Variants in NAALADL2 observed in about 807,000 individuals in gnomAD.
The protein encoded by NAALADL2 is N-acetylated alpha-linked acidic dipeptidase like 2.
NAALADL2 carries 76 observed loss-of-function variants against 87.2 expected under a neutral mutation model. The ratio of observed to expected loss-of-function variants is 0.87; its 90% CI spans 0.72 to 1.05. The LOEUF (loss-of-function observed/expected upper bound fraction) is 1.05. NAALADL2 is among the 50% of genes least tolerant of loss of function. NAALADL2 has a pLI of 0.00. For synonymous variants in NAALADL2, 354 were observed against 331.0 expected, an observed-to-expected ratio of 1.07 and a Z score of -0.75; for missense variants, 1,089 against 945.8, an observed-to-expected ratio of 1.15 and a Z score of -1.99.
At chr3:174,681,081 C>T (rs1022230857) in intron 2 of NAALADL2, among the ~76,000 whole-genome samples, 2 of 152,042 alleles carry the variant, frequency 1.3e-5, no homozygotes, top group Admixed American at 6.6e-5. Context: ...CAGTAGTGCC[C>T]TGTCACAGCA....
intron 4 of NAALADL2, among the ~76,000 whole-genome samples, chr3:175,319,512 GGCTCT>G: frequency 6.6e-6 from 1 of 151,938 alleles, no homozygotes; most frequent in East Asian, 1.9e-4. Context: ...ATTTTCTCAG[GGCTCT>G]CCTTTCTTTA....
chr3:175,132,006 C>CG (rs1443523531), intron 2 of NAALADL2, among the ~76,000 whole-genome samples: 1 of 125,870 alleles, frequency 7.9e-6, no homozygotes, highest in African/African-American at 3.1e-5. Flanking sequence ...ACTGACCCCC[C>CG]CACCTCCCTC....
At chr3:174,468,969 G>A (rs1716716659) in intron 1 of NAALADL2, among the ~76,000 whole-genome samples, 1 of 151,460 alleles carries the variant, frequency 6.6e-6, no homozygotes, top group South Asian at 2.1e-4. Flanking sequence ...CACCATGTTG[G>A]CCAGGCTGGT....
intron 2 of NAALADL2, among the ~76,000 whole-genome samples, chr3:175,180,035 C>T (rs899678041): frequency 6.6e-5 from 10 of 151,860 alleles, no homozygotes; most frequent in African/African-American, 2.4e-4. Context: ...GCTCATTTAG[C>T]AGGCCATAAG....
chr3:174,877,449 C>G (rs573091683), intron 1 of NAALADL2, among the ~76,000 whole-genome samples: 171 of 152,164 alleles, frequency 1.1e-3, no homozygotes, highest in African/African-American at 4.0e-3. Flanking sequence ...ATTCTCAATT[C>G]TCCCTATTTC....
chr3:174,780,713 G>A (rs2109145975), intron 3 of NAALADL2, among the ~76,000 whole-genome samples: 1 of 152,170 alleles, frequency 6.6e-6, no homozygotes, highest in African/African-American at 2.4e-5. Flanking sequence ...TTTTATCAAA[G>A]GCCTTTTCTG....
chr3:174,828,373 A>G (rs571670648), intron 3 of NAALADL2, among the ~76,000 whole-genome samples: 24 of 152,288 alleles, frequency 1.6e-4, no homozygotes, highest in African/African-American at 4.3e-4. Flanking sequence ...AGGCTTTCAA[A>G]TTCTTTTCTT....
chr3:175,214,329 T>C (rs1488546454), intron 2 of NAALADL2, among the ~76,000 whole-genome samples: 1 of 152,188 alleles, frequency 6.6e-6, no homozygotes, highest in African/African-American at 2.4e-5. Flanking sequence ...TTCTGCTGTA[T>C]TTTCTGCTGA....
At chr3:174,988,997 C>T (rs1482129317) in intron 1 of NAALADL2, among the ~76,000 whole-genome samples, 1 of 152,178 alleles carries the variant, frequency 6.6e-6, no homozygotes, top group Non-Finnish European at 1.5e-5. Context: ...GCTCTTTTCA[C>T]TCACAGTGGA....
intron 1 of NAALADL2, among the ~76,000 whole-genome samples, chr3:174,442,129 C>A (rs1714698709): frequency 6.6e-6 from 1 of 152,150 alleles, no homozygotes; most frequent in African/African-American, 2.4e-5. Context: ...GAGTTAGATT[C>A]TGTGCTGACT....
At chr3:175,258,871 C>A (rs1448666374) in intron 4 of NAALADL2, among the ~76,000 whole-genome samples, 2 of 152,188 alleles carry the variant, frequency 1.3e-5, no homozygotes, top group Non-Finnish European at 2.9e-5. Flanking sequence ...CATTGGCCTG[C>A]ATCCCATGAG....
intron 2 of NAALADL2, among the ~76,000 whole-genome samples, chr3:174,628,592 A>G (rs924285296): frequency 1.3e-5 from 2 of 152,148 alleles, no homozygotes; most frequent in Admixed American, 1.3e-4. Context: ...TGGATTTCCA[A>G]ATGTTTCTTG....
chr3:175,019,906 A>T (rs9825468), intron 1 of NAALADL2, among the ~76,000 whole-genome samples: 31,635 of 152,040 alleles, frequency 0.21, 4,486 homozygotes, highest in African/African-American at 0.4. Context: ...AGAAGCTCCA[A>T]GCATATGCTA....
intron 1 of NAALADL2, among the ~76,000 whole-genome samples, chr3:175,042,549 C>T (rs868513712): frequency 9.2e-5 from 14 of 152,114 alleles, no homozygotes; most frequent in African/African-American, 2.7e-4. Context: ...TATATTCCCC[C>T]CAACAATGAA....
At chr3:175,796,496 G>A (rs1438724158) in intron 13 of NAALADL2, among the ~76,000 whole-genome samples, 1 of 152,136 alleles carries the variant, frequency 6.6e-6, no homozygotes, top group Non-Finnish European at 1.5e-5. Context: ...TTCAAATTTA[G>A]CTCAAAGGAT....
intron 5 of NAALADL2, among the ~76,000 whole-genome samples, chr3:175,368,477 A>G (rs1481105291): frequency 6.6e-6 from 1 of 152,048 alleles, no homozygotes; most frequent in East Asian, 1.9e-4. Context: ...CTGTGAATCC[A>G]TCTGGTCCGA....
At chr3:174,696,768 A>G (rs1050877344) in intron 2 of NAALADL2, among the ~76,000 whole-genome samples, 1 of 152,080 alleles carries the variant, frequency 6.6e-6, no homozygotes, top group African/African-American at 2.4e-5. Context: ...AAATATAAAT[A>G]TATCTGAGAA....
At chr3:175,537,101 CTAT>C (rs1734924404) in intron 9 of NAALADL2, among the ~76,000 whole-genome samples, 1 of 152,130 alleles carries the variant, frequency 6.6e-6, no homozygotes, top group East Asian at 1.9e-4. Flanking sequence ...AAAATAGGCA[CTAT>C]TATTATCCTT....
chr3:174,990,852 G>C (rs923341679), intron 1 of NAALADL2, among the ~76,000 whole-genome samples: 2 of 152,056 alleles, frequency 1.3e-5, no homozygotes, highest in African/African-American at 4.8e-5. Context: ...TATCAGTATT[G>C]TTGACCTCTC....
Sources: gnomAD v4.1 joint callset for allele counts (sites outside exome capture counted in the v4.1 genomes callset) on GRCh38, gnomAD v4.1.1 for gene constraint, MANE v1.5 for transcripts, NCBI Gene and HGNC (gene_info 2026-07-23, HGNC 2026-07-21) for gene names.